GNA11: variants seen among roughly 807,000 people sequenced by gnomAD.
The protein encoded by GNA11 is G protein subunit alpha 11, also known as guanine nucleotide-binding protein subunit alpha-11.
A neutral mutation model predicts 38.2 loss-of-function variants in GNA11; 8 were observed. That is an observed-to-expected ratio of 0.21 (90% CI 0.12 to 0.38). The LOEUF (loss-of-function observed/expected upper bound fraction) is 0.38, where lower values mean the gene tolerates loss of function less well. Ranked by LOEUF, GNA11 falls within the 10% of genes least tolerant of loss-of-function variation. GNA11 has a pLI of 1.00. For missense variants in GNA11, 268 were observed against 516.3 expected, an observed-to-expected ratio of 0.52 and a Z score of 4.66; for synonymous variants, 211 against 221.4, an observed-to-expected ratio of 0.95 and a Z score of 0.42.
rs767868573 is a variant in GNA11, at chr19:3,121,454, T to TAAAA, written c.*288_*291dup. The TAAAA allele has an allele frequency of 1.0e-5, 2 of 196,114 alleles. No individual in the cohort carries two copies. The highest frequency in any genetic ancestry group is 9.7e-6 in the Non-Finnish European group (1 of 102,922). The allele number at this position is 196,114 out of a possible 1,614,324, so 12.1% of individuals were successfully genotyped here. On this transcript the variant is annotated 3_prime_UTR_variant, in exon 7 of 7. Coordinates refer to ENST00000078429, the MANE Select transcript of GNA11 (RefSeq NM_002067.5). ...CCTTGACTTATGGCTCGCTTTTTTC[T>TAAAA]AAAAAAAAAAAAAAAAGAAAGAAAG...
chr19:3,111,376 T>C (rs925751662), intron 2 of GNA11, among the ~76,000 whole-genome samples: 2 of 151,930 alleles, frequency 1.3e-5, no homozygotes, highest in African/African-American at 4.8e-5. Flanking sequence ...CCTCTGTGGA[T>C]CGGTCTGTCC....
At chr19:3,113,667 G>A (rs1006139983) in intron 3 of GNA11, among the ~76,000 whole-genome samples, 183 bp downstream of exon 3, 1 of 152,218 alleles carries the variant, frequency 6.6e-6, no homozygotes, top group African/African-American at 2.4e-5. Context: ...GAGGGGCCAC[G>A]CCTTGGCAGG....
intron 3 of GNA11, 97 bp from the exon 4 acceptor site, chr19:3,114,847 T>A: frequency 8.1e-7 from 1 of 1,235,428 alleles, no homozygotes. Flanking sequence ...CACCCCCTCC[T>A]GGTGGCTTTC....
At position 3,122,249 on chromosome 19, in the gene GNA11, A is replaced by G. The variant is rs1914098011; in HGVS notation, c.*1070A>G. ...GAATATTCTCAGGTGTGTACCCGAG[A>G]GGCAGAGAGAGGGACGTGGCCGGCA... On this transcript the variant is annotated 3_prime_UTR_variant, in exon 7 of 7. Coordinates refer to ENST00000078429, the MANE Select transcript of GNA11 (RefSeq NM_002067.5). The surrounding 1 kb of genome is among the most constrained non-coding windows in gnomAD (Gnocchi z 7.7). The G allele has an allele frequency of 4.3e-6, 1 of 232,766 alleles. No homozygotes were observed. 14.4% of individuals were successfully genotyped at this position (232,766 alleles called of 1,614,324 possible). A position where few individuals can be genotyped will look rare whatever the true frequency, so the allele number is the denominator to read the frequency against.
intron 1 of GNA11, among the ~76,000 whole-genome samples, chr19:3,103,725 CAA>C (rs926695408): frequency 3.4e-5 from 5 of 147,048 alleles, no homozygotes; most frequent in African/African-American, 7.5e-5. Flanking sequence ...TTTTTTGAGA[CAA>C]GAGTCTTGCT....
In GNA11 at chr19:3,119,485, A is replaced by G. The variant is rs1914012969; in HGVS notation, c.889+126A>G. The G allele has an allele frequency of 2.6e-6, 2 of 775,576 alleles. No individual in the cohort carries two copies. The highest frequency in any genetic ancestry group is 4.1e-6 in the Non-Finnish European group (2 of 489,898). The allele number at this position is 775,576 out of a possible 1,614,324, so 48.0% of individuals were successfully genotyped here. On this transcript the variant is annotated intron_variant, in intron 6 of 6. Coordinates refer to ENST00000078429, the MANE Select transcript of GNA11 (RefSeq NM_002067.5). The surrounding 1 kb of genome is among the most constrained non-coding windows in gnomAD (Gnocchi z 4.6). ...GGGAGGGCGTCTGATGGGAGGTGTC[A>G]TGTATGGGAGTGGAGTCTCAGGGAA...
At position 3,110,064 on chromosome 19, in the gene GNA11, G is replaced by A; in HGVS notation, c.137-85G>A. ...TTGGTTTCCTGTGCTGGGTGCTGCA[G>A]CACGGCAGGGTCTGGGTAAGAGGGG... is the stretch of plus-strand genomic sequence containing the variant. On this transcript the variant is annotated intron_variant, in intron 1 of 6. Transcript: ENST00000078429. The surrounding 1 kb of genome is among the most constrained non-coding windows in gnomAD (Gnocchi z 5.4). 8.9e-7 allele frequency: 1 copy of A among 1,128,100 alleles called. No homozygotes were observed. Among genetic ancestry groups the A allele is most frequent in the Non-Finnish European group, 1.3e-6 (1 of 785,264 alleles). 69.9% of individuals were successfully genotyped at this position (1,128,100 alleles called of 1,614,324 possible).
chr19:3,101,257 G>C (rs552088141), intron 1 of GNA11, among the ~76,000 whole-genome samples: 1 of 152,170 alleles, frequency 6.6e-6, no homozygotes, highest in Non-Finnish European at 1.5e-5. Flanking sequence ...CCCCGCCACC[G>C]AGCGGGACTT....
chr19:3,121,430 C>A lies in GNA11; in HGVS notation c.*251C>A. On this transcript the variant is annotated 3_prime_UTR_variant, in exon 7 of 7. Transcript: ENST00000078429. ...ACGGCAAAGGCAGCCTTTTTCTGGC[C>A]TTGACTTATGGCTCGCTTTTTTCTA... The A allele has an allele frequency of 3.0e-6, 1 of 331,698 alleles. No individual in the cohort carries two copies. The highest frequency in any genetic ancestry group is 5.4e-6 in the Non-Finnish European group (1 of 185,462). The allele number at this position is 331,698 out of a possible 1,614,324, so 20.5% of individuals were successfully genotyped here.
chr19:3,118,726 G>C (rs949939158), intron 4 of GNA11, 198 bp from the exon 5 acceptor site: 2 of 583,750 alleles, frequency 3.4e-6, no homozygotes, highest in Non-Finnish European at 6.1e-6. Context: ...GTGAGGGAAG[G>C]GTCTGCGGTG....
In GNA11 at chr19:3,113,563, C is replaced by CGG. The variant is rs1402553380; in HGVS notation, c.476+80_476+81dup. 3.5e-6 allele frequency: 4 copies of CGG among 1,155,060 alleles called. No homozygotes were observed. The Admixed American group carries it at 1.1e-4, about 32-fold the overall frequency. The allele number at this position is 1,155,060 out of a possible 1,614,324, so 71.6% of individuals were successfully genotyped here. A position where few individuals can be genotyped will look rare whatever the true frequency, so the allele number is the denominator to read the frequency against. ...CTGGGACCCTTCGGGAAGGCCTCCG[C>CGG]GGCGTCTGTGGTGCCCCCTGCCTGC... On this transcript the variant is annotated intron_variant, in intron 3 of 6. Transcript: ENST00000078429.
rs1914017641 is a variant in GNA11, at chr19:3,119,649, C to T, written c.889+290C>T. On this transcript the variant is annotated intron_variant, in intron 6 of 6. Transcript: ENST00000078429. This position sits in a 1 kb window ranked among gnomAD's most constrained non-coding sequence, Gnocchi z 4.6. Reference sequence around the variant, plus strand: ...TGGGAGGGGTCTCGGGCAGGGGGATCTCGGGTGGGAGGAGTCTTGTACAAG... The same window carrying T: ...TGGGAGGGGTCTCGGGCAGGGGGATTTCGGGTGGGAGGAGTCTTGTACAAG... Among the ~76,000 whole-genome samples, 1 of 148,816 alleles carries T rather than the reference C, an allele frequency of 6.7e-6. No homozygotes were observed. The highest frequency in any genetic ancestry group is 1.5e-5 in the Non-Finnish European group (1 of 67,154).
intron 1 of GNA11, among the ~76,000 whole-genome samples, chr19:3,097,733 C>T (rs1055914396): frequency 1.3e-5 from 2 of 152,204 alleles, no homozygotes; most frequent in African/African-American, 4.8e-5. Flanking sequence ...TCTCCCGCGG[C>T]GGCTAAAATG....
chr19:3,101,220 AC>A (rs1339285985), intron 1 of GNA11, among the ~76,000 whole-genome samples: 1 of 151,934 alleles, frequency 6.6e-6, no homozygotes, highest in Non-Finnish European at 1.5e-5. Context: ...GCTATTGTTA[AC>A]CGTGTCCACA....
At chr19:3,102,359 C>T (rs770333772) in intron 1 of GNA11, among the ~76,000 whole-genome samples, 6 of 152,180 alleles carry the variant, frequency 3.9e-5, no homozygotes, top group Non-Finnish European at 7.3e-5. Context: ...GTCCTGCCAT[C>T]GCTGCCCCTG....
At chr19:3,107,300 G>A (rs1599300507) in intron 1 of GNA11, among the ~76,000 whole-genome samples, 1 of 152,198 alleles carries the variant, frequency 6.6e-6, no homozygotes, top group Admixed American at 6.5e-5. Flanking sequence ...GTGACCTGTG[G>A]CGTTTCAGAC....
intron 4 of GNA11, chr19:3,118,047 A>G (rs895015880): frequency 2.6e-5 from 4 of 152,138 alleles, no homozygotes; most frequent in African/African-American, 7.2e-5. Context: ...CACCTGGCAC[A>G]TCTGTCATCC....
At chr19:3,113,990 C>T (rs917171353) in intron 3 of GNA11, among the ~76,000 whole-genome samples, 1 of 152,174 alleles carries the variant, frequency 6.6e-6, no homozygotes, top group Non-Finnish European at 1.5e-5. Context: ...TGACAGGTGG[C>T]CGGGCCATGG....
intron 1 of GNA11, among the ~76,000 whole-genome samples, chr19:3,106,909 C>T (rs748685330): frequency 1.6e-4 from 24 of 152,230 alleles, no homozygotes; most frequent in Non-Finnish European, 2.9e-4. Context: ...CTTGGCGAGC[C>T]AGGGCTGTGG....
Sources: allele counts gnomAD v4.1 joint callset (sites outside exome capture counted in the v4.1 genomes callset), GRCh38; gene constraint gnomAD v4.1.1; non-coding constraint Gnocchi (gnomAD v3.1); transcripts MANE v1.5; gene names NCBI Gene and HGNC (gene_info 2026-07-23, HGNC 2026-07-21).